KIF21A: variants seen among roughly 807,000 people sequenced by gnomAD.
The protein encoded by KIF21A is kinesin-like protein KIF21A.
In KIF21A, 114 loss-of-function variants were observed where a neutral mutation model predicts 202.9. The ratio of observed to expected loss-of-function variants is 0.56; its 90% CI spans 0.48 to 0.66. The LOEUF (loss-of-function observed/expected upper bound fraction) is 0.66, where lower values mean the gene tolerates loss of function less well. KIF21A is among the 30% of genes least tolerant of loss of function. The pLI is 0.00. For synonymous variants in KIF21A, 667 were observed against 670.8 expected (o/e 0.99, Z 0.09); for missense variants, 1,677 against 1,994.9 (o/e 0.84, Z 3.04).
rs1054983568 is a variant in KIF21A at position 39,295,692 on chromosome 12, GTTTTTTTTTTTT to G, written c.4932-1187_4932-1176del. The stretch of plus-strand genomic sequence containing the variant: ...TACATGCCAAGCATGCTTGGGATAT[GTTTTTTTTTTTT>G]TTTTTTTTTTTTTTTGACAGAATCT... On this transcript the variant is annotated intron_variant, in intron 37 of 37. Transcript: ENST00000361418. Among the ~76,000 whole-genome samples the G allele has an allele frequency of 5.2e-4, 41 of 78,130 alleles. 1 individual carries two copies. The highest frequency in any genetic ancestry group is 1.5e-3 in the African/African-American group (31 of 20,624). 51.3% of individuals were successfully genotyped at this position (78,130 alleles called of 152,430 possible).
chr12:39,377,294 T>C (rs1950328954), intron 1 of KIF21A, among the ~76,000 whole-genome samples: 1 of 152,172 alleles, frequency 6.6e-6, no homozygotes, highest in Non-Finnish European at 1.5e-5. Context: ...TGGATGCTAC[T>C]TACTGGTGTT....
chr12:39,404,185 G>A (rs1952399799), intron 1 of KIF21A, among the ~76,000 whole-genome samples: 1 of 152,106 alleles, frequency 6.6e-6, no homozygotes. Flanking sequence ...GTGCACTGCT[G>A]CCTCCCAGAC....
At chr12:39,325,402 G>A (rs1226069522) in intron 26 of KIF21A, among the ~76,000 whole-genome samples, 1 of 151,184 alleles carries the variant, frequency 6.6e-6, no homozygotes, top group African/African-American at 2.4e-5. Flanking sequence ...CGCGATCTCG[G>A]TTCACTGCAA....
chr12:39,316,122 T>C (rs925461487), intron 29 of KIF21A, 152 bp from the exon 30 acceptor site: 1 of 692,600 alleles, frequency 1.4e-6, no homozygotes, highest in Non-Finnish European at 2.7e-6. Context: ...CACTGGATAT[T>C]AGCATGTTTA....
chr12:39,330,135 T>G, intron 24 of KIF21A, 107 bp downstream of exon 24: 1 of 1,063,860 alleles, frequency 9.4e-7, no homozygotes, highest in Non-Finnish European at 1.5e-6. Flanking sequence ...CAAAAACCAC[T>G]TGACCGCCAA....
At chr12:39,318,683 A>G (rs2035558095) in intron 28 of KIF21A, among the ~76,000 whole-genome samples, 3 of 152,136 alleles carry the variant, frequency 2.0e-5, no homozygotes, top group Non-Finnish European at 2.9e-5. Flanking sequence ...AGCAAGGGTG[A>G]TAAGAAGGAT....
chr12:39,340,157 A>G lies in KIF21A; in HGVS notation c.2310+8T>C. 5 of 1,607,328 alleles carry G rather than the reference A, an allele frequency of 3.1e-6. No individual in the cohort carries two copies. In the South Asian group the frequency reaches 3.3e-5, roughly 11 times the overall value. On this transcript the variant is annotated splice_region_variant and intron_variant, in intron 16 of 37. Coordinates refer to ENST00000361418, the MANE Select transcript of KIF21A (RefSeq NM_001173464.2). ...CATCAAACGTTAATGGAAAAAAATA[A>G]TCAATACCTTTGTTTTTTTCATTTC...
intron 1 of KIF21A, among the ~76,000 whole-genome samples, chr12:39,390,986 C>A (rs1156916478): frequency 6.6e-6 from 1 of 152,192 alleles, no homozygotes; most frequent in Non-Finnish European, 1.5e-5. Flanking sequence ...TGCCTAGCCA[C>A]AGCCCTCACA....
chr12:39,409,524 G>GAAA (rs766308414), intron 1 of KIF21A, among the ~76,000 whole-genome samples: 1 of 87,940 alleles, frequency 1.1e-5, no homozygotes, highest in Non-Finnish European at 2.5e-5. Flanking sequence ...CCATGTCTCA[G>GAAA]AAAAAAAAAA....
chr12:39,338,593 C>T (rs1947177682), intron 16 of KIF21A, among the ~76,000 whole-genome samples: 1 of 152,214 alleles, frequency 6.6e-6, no homozygotes, highest in East Asian at 1.9e-4. Context: ...AAACTCCCTT[C>T]ATGGTAAGTC....
In KIF21A at chr12:39,356,866, T is replaced by C; in HGVS notation, c.1435A>G (p.Ile479Val). ...GEGNEEISNM[I>V]HSYIKEIEDL... ...TCGATTTCTTTTATATAACTATGAA[T>C]CATATTACTAATCTCCTCATTTCCT... The change falls in exon 10 of 38, where the codon ATT becomes GTT. Residue 479 changes from isoleucine to valine, a missense_variant. By Grantham distance (29) the Ile-to-Val change is conservative. Transcript: ENST00000361418. 1 of 1,296,118 alleles carries C rather than the reference T, an allele frequency of 7.7e-7. No homozygotes were observed. The highest frequency in any genetic ancestry group is 1.2e-5 in the South Asian group (1 of 83,750). The allele number at this position is 1,296,118 out of a possible 1,614,324, so 80.3% of individuals were successfully genotyped here.
Position 39,357,413 on chromosome 12 carries a change from C to A in KIF21A, c.1240G>T (p.Gly414Cys), listed in dbSNP as rs78616703. The change falls in exon 9 of 38, where the codon GGT becomes TGT. Residue 414 changes from glycine to cysteine, a missense_variant. Gly to Cys is a radical substitution (Grantham distance 159). This residue lies in a region of KIF21A where 966 missense variants were observed against 1,180.9 expected (regional missense o/e 0.82). Coordinates refer to ENST00000361418, the MANE Select transcript of KIF21A (RefSeq NM_001173464.2). ...KTGKRIIDEE[G>C]VESINDMFHE... ...AACATGTCATTGATGCTTTCCACACCCTCTTCGTCAATTATTCTTTTACCC... is the reference window on the plus strand; with the variant it reads ...AACATGTCATTGATGCTTTCCACACACTCTTCGTCAATTATTCTTTTACCC... The A allele has an allele frequency of 6.2e-7, 1 of 1,613,746 alleles. No individual in the cohort carries two copies. Among genetic ancestry groups the A allele is most frequent in the South Asian group, 1.1e-5 (1 of 91,080 alleles).
rs1367079034 is a variant in KIF21A at position 39,309,730 on chromosome 12, T to C, written c.4133A>G (p.Gln1378Arg). The C allele has an allele frequency of 6.2e-7, 1 of 1,613,474 alleles. No homozygotes were observed. Among genetic ancestry groups the C allele is most frequent in the Non-Finnish European group, 8.5e-7 (1 of 1,179,758 alleles). The change falls in exon 33 of 38, where the codon CAG becomes CGG. Residue 1378 changes from glutamine (Q) to arginine (R), a missense_variant. Coordinates refer to ENST00000361418, the MANE Select transcript of KIF21A (RefSeq NM_001173464.2). Reference protein sequence around the residue: ...TCKVWNLVTGQEIMSLGGHPN... With the variant: ...TCKVWNLVTGREIMSLGGHPN... ...ATGACCCCCCAGTGACATTATTTCC[T>C]GCCCAGTCACCAGATTCCATACTTT...
At chr12:39,381,889 A>G (rs1202255842) in intron 1 of KIF21A, among the ~76,000 whole-genome samples, 1 of 152,190 alleles carries the variant, frequency 6.6e-6, no homozygotes, top group Non-Finnish European at 1.5e-5. Flanking sequence ...GAAGCATGAG[A>G]CATATTTCTG....
intron 6 of KIF21A, among the ~76,000 whole-genome samples, chr12:39,365,381 G>A (rs943448561): frequency 5.3e-5 from 8 of 152,134 alleles, no homozygotes; most frequent in East Asian, 1.9e-4. Flanking sequence ...TATTGGTGTC[G>A]CAGAAATTTA....
At chr12:39,301,249 T>A (rs1280642217) in intron 37 of KIF21A, among the ~76,000 whole-genome samples, 1 of 152,184 alleles carries the variant, frequency 6.6e-6, no homozygotes, top group Non-Finnish European at 1.5e-5. Context: ...GCACACTTCC[T>A]AAAATAAGCA....
intron 1 of KIF21A, among the ~76,000 whole-genome samples, chr12:39,380,455 A>G (rs1370604516): frequency 1.3e-5 from 2 of 152,240 alleles, no homozygotes; most frequent in Non-Finnish European, 2.9e-5. Flanking sequence ...ATATGTAACA[A>G]ATGATAATAC....
At chr12:39,321,948 C>T (rs1945311829) in intron 27 of KIF21A, 2 of 152,222 alleles carry the variant, frequency 1.3e-5, no homozygotes, top group Non-Finnish European at 2.9e-5. Flanking sequence ...TATGTACACA[C>T]ACACATACAC....
At chr12:39,439,619 C>T (rs1311804839) in intron 1 of KIF21A, among the ~76,000 whole-genome samples, 1 of 152,040 alleles carries the variant, frequency 6.6e-6, no homozygotes, top group Non-Finnish European at 1.5e-5. Context: ...TAAATTTTAA[C>T]TCATTTAAAT....
Sources: allele counts gnomAD v4.1 joint callset (sites outside exome capture counted in the v4.1 genomes callset), GRCh38; gene constraint gnomAD v4.1.1; regional missense constraint gnomAD v4.1.1; transcripts MANE v1.5; gene names NCBI Gene and HGNC (gene_info 2026-07-23, HGNC 2026-07-21).